Variants in SPTB observed in about 807,000 individuals in gnomAD.
SPTB encodes the protein spectrin beta, erythrocytic.
Under a neutral mutation model 256.2 loss-of-function variants are expected in SPTB, and 45 were observed. The ratio of observed to expected loss-of-function variants is 0.18; its 90% CI spans 0.14 to 0.23. The LOEUF is 0.23. SPTB is among the 10% of genes least tolerant of loss of function. SPTB has a pLI of 1.00. For synonymous variants in SPTB, 1,231 were observed against 1,243.1 expected (o/e 0.99, Z 0.21); for missense variants, 2,715 against 3,040.4 (o/e 0.89, Z 2.52).
intron 1 of SPTB, among the ~76,000 whole-genome samples, chr14:64,829,878 C>T (rs545667447): frequency 8.5e-5 from 13 of 152,300 alleles, no homozygotes; most frequent in Middle Eastern, 3.4e-3. Context: ...CTATAGGTAA[C>T]CTGCCAGCCT....
chr14:64,775,080 C>G lies in SPTB; in HGVS notation c.4842+45G>C. On this transcript the variant is annotated intron_variant, in intron 23 of 35. Transcript: ENST00000644917. The surrounding 1 kb of genome is among the most constrained non-coding windows in gnomAD (Gnocchi z 5.0). ...TACCGACAGCCAACCTCAACTCTTC[C>G]TCTCTGCCTGGGCACCCTGGCTGGT... 6.2e-7 allele frequency: 1 copy of G among 1,613,510 alleles called. No homozygotes were observed. Among genetic ancestry groups the G allele is most frequent in the Non-Finnish European group, 8.5e-7 (1 of 1,179,968 alleles).
chr14:64,813,331 T>C (rs1015464751), intron 2 of SPTB, among the ~76,000 whole-genome samples: 8 of 152,250 alleles, frequency 5.3e-5, no homozygotes, highest in Admixed American at 5.2e-4. Context: ...CAGGTAAAAC[T>C]AGGAGGTCAG....
intron 1 of SPTB, among the ~76,000 whole-genome samples, chr14:64,859,405 G>A (rs372738581): frequency 2.0e-5 from 3 of 152,004 alleles, no homozygotes; most frequent in African/African-American, 4.8e-5. Context: ...GTTAAACAAC[G>A]TAAGCTGTTA....
intron 9 of SPTB, among the ~76,000 whole-genome samples, chr14:64,798,747 C>T (rs1047824582): frequency 3.3e-5 from 5 of 152,230 alleles, no homozygotes; most frequent in African/African-American, 4.8e-5. Flanking sequence ...TACTGTCAGA[C>T]TAGAAACCAG....
At chr14:64,843,018 T>G (rs2083631289) in intron 1 of SPTB, among the ~76,000 whole-genome samples, 1 of 151,870 alleles carries the variant, frequency 6.6e-6, no homozygotes, top group African/African-American at 2.4e-5. Context: ...TGAGCTGTGA[T>G]CACACCACTG....
Position 64,791,771 on chromosome 14 carries a change from C to T in SPTB, c.2752G>A (p.Gly918Ser), listed in dbSNP as rs2082679062. Reference sequence around the variant, plus strand: ...TTCACCTCCCTGCTGCGTGGGTGGCCACTCTCTACCAAGCTGTTGGCAGCG... The same window carrying T: ...TTCACCTCCCTGCTGCGTGGGTGGCTACTCTCTACCAAGCTGTTGGCAGCG... Reference protein sequence around the residue: ...NLAANSLVESGHPRSREVKQY... With the variant: ...NLAANSLVESSHPRSREVKQY... The change falls in exon 15 of 36, where the codon GGC becomes AGC. Residue 918 changes from glycine to serine, a missense_variant. Transcript: ENST00000644917. The T allele has an allele frequency of 5.6e-6, 9 of 1,614,106 alleles. No homozygotes were observed. The highest frequency in any genetic ancestry group is 5.1e-6 in the Non-Finnish European group (6 of 1,180,004).
In SPTB at chr14:64,786,536, C is replaced by T; in HGVS notation, c.3429G>A (p.Leu1143=). ...CATTCCAGCCAGTATCCAGGCCCTC[C>T]AGCCGCTGGCCCAGAAGCAGATACT... is the stretch of plus-strand genomic sequence containing the variant. The part of the protein sequence containing the change: ...DPEYLLLGQR[L]EGLDTGWNAL... Residue 1143 remains leucine (L), a synonymous_variant, in exon 16 of 36, where the codon CTG becomes CTA. Transcript: ENST00000644917. The surrounding 1 kb of genome is among the most constrained non-coding windows in gnomAD (Gnocchi z 5.6). 1 of 1,614,230 alleles carries T rather than the reference C, an allele frequency of 6.2e-7. No homozygotes were observed. Among genetic ancestry groups the T allele is most frequent in the African/African-American group, 1.3e-5 (1 of 75,060 alleles).
rs2082212509 is a variant in SPTB, at chr14:64,767,799, T to C, written c.6083A>G (p.Gln2028Arg). The C allele has an allele frequency of 6.2e-7, 1 of 1,614,056 alleles. No homozygotes were observed. The change falls in exon 30 of 36, where the codon CAG becomes CGG. Residue 2028 changes from glutamine to arginine, a missense_variant. Physicochemically the swap from Gln to Arg is conservative, Grantham distance 43. Coordinates refer to ENST00000644917, the MANE Select transcript of SPTB (RefSeq NM_001355436.2). ...ASVAEAWLIA[Q>R]EPYLASGDFG... is the part of the protein sequence containing the mutation. ...GTCCCCGCTGGCCAGGTAGGGCTCC[T>C]GGGCAATCAGCCACGCCTCAGCCAC...
At position 64,827,926 on chromosome 14, in the gene SPTB, T is replaced by C. The variant is rs951883143; in HGVS notation, c.-51-4781A>G. ...GTGGCCCAGATAAGCATGCCACCTA[T>C]GGGTGACCTTTCCAGTCGATGGACA... On this transcript the variant is annotated intron_variant, in intron 1 of 35. Transcript: ENST00000644917. This position sits in a 1 kb window ranked among gnomAD's most constrained non-coding sequence, Gnocchi z 4.6. 3.9e-5 allele frequency among the ~76,000 whole-genome samples: 6 copies of C among 152,190 alleles called. No homozygotes were observed. Among genetic ancestry groups the C allele is most frequent in the African/African-American group, 1.4e-4 (6 of 41,436 alleles).
Position 64,785,768 on chromosome 14 carries a change from C to G in SPTB, c.3745G>C (p.Val1249Leu). Residue 1249 changes from valine to leucine, a missense_variant, in exon 17 of 36, where the codon GTG becomes CTG. Physicochemically the swap from Val to Leu is conservative, Grantham distance 32. Coordinates refer to ENST00000644917, the MANE Select transcript of SPTB (RefSeq NM_001355436.2). The surrounding 1 kb of genome is among the most constrained non-coding windows in gnomAD (Gnocchi z 4.4). ...NLYSDKIKEK[V>L]QLIEDRHRKN... ...GAGTACCTGTCCTCAATCAGCTGCA[C>G]CTTCTCCTTGATCTTGTCTGAGTAT... The G allele has an allele frequency of 6.2e-7, 1 of 1,614,112 alleles. No homozygotes were observed. Among genetic ancestry groups the G allele is most frequent in the South Asian group, 1.1e-5 (1 of 91,076 alleles).
In SPTB at chr14:64,764,174, G is replaced by A. The variant is rs1445752608; in HGVS notation, c.6345+2552C>T. On this transcript the variant is annotated intron_variant, in intron 32 of 35. Transcript: ENST00000644917. The surrounding 1 kb of genome is among the most constrained non-coding windows in gnomAD (Gnocchi z 4.2). ...CATTGGCCATCCCTTCCTGGGAGAG[G>A]CCTGCGGTTCTGTGAAGGGGTAGTT... is the stretch of plus-strand genomic sequence containing the variant. Among the ~76,000 whole-genome samples the A allele has an allele frequency of 1.3e-5, 2 of 152,216 alleles. No homozygotes were observed. The highest frequency in any genetic ancestry group is 1.3e-4 in the Admixed American group (2 of 15,288).
chr14:64,853,430 AG>A lies in SPTB; in HGVS notation c.-52+26361del, dbSNP rs2083817699. ...GGAGATAACCATATCAGGAAGCCTC[AG>A]GGGAGGAAATTTCCAGAAGCAAGGA... On this transcript the variant is annotated intron_variant, in intron 1 of 35. Transcript: ENST00000644917. The surrounding 1 kb of genome is among the most constrained non-coding windows in gnomAD (Gnocchi z 4.3). Among the ~76,000 whole-genome samples the A allele has an allele frequency of 6.6e-6, 1 of 152,226 alleles. No individual in the cohort carries two copies. Among genetic ancestry groups the A allele is most frequent in the Admixed American group, 6.5e-5 (1 of 15,278 alleles).
At chr14:64,752,933 A>G (rs1264336722) in intron 33 of SPTB, among the ~76,000 whole-genome samples, 1 of 151,908 alleles carries the variant, frequency 6.6e-6, no homozygotes, top group Non-Finnish European at 1.5e-5. Flanking sequence ...ACCCAAGGAC[A>G]TGACTGTTTC....
At chr14:64,766,055 G>A (rs1195351620) in intron 32 of SPTB, among the ~76,000 whole-genome samples, 1 of 139,702 alleles carries the variant, frequency 7.2e-6, no homozygotes, top group African/African-American at 3.1e-5. Context: ...GTGTGCGTGA[G>A]GTGTGTATGG....
At chr14:64,769,851 C>T in intron 27 of SPTB, 123 bp from the exon 28 acceptor site, 1 of 1,370,964 alleles carries the variant, frequency 7.3e-7, no homozygotes, top group Non-Finnish European at 1.0e-6. Context: ...CCTCCTCTCT[C>T]TCTGGCCAGC....
In SPTB at chr14:64,826,239, G is replaced by T. The variant is rs1242863085; in HGVS notation, c.-51-3094C>A. Among the ~76,000 whole-genome samples the T allele has an allele frequency of 6.6e-6, 1 of 152,186 alleles. No homozygotes were observed. Among genetic ancestry groups the T allele is most frequent in the Non-Finnish European group, 1.5e-5 (1 of 68,018 alleles). On this transcript the variant is annotated intron_variant, in intron 1 of 35. Coordinates refer to ENST00000644917, the MANE Select transcript of SPTB (RefSeq NM_001355436.2). This position sits in a 1 kb window ranked among gnomAD's most constrained non-coding sequence, Gnocchi z 4.4. ...TAAGAGAACAGGAAAGCTACAGATAGTTAACAAAAAGCAAACACGAAGATA... is the reference window on the plus strand; with the variant it reads ...TAAGAGAACAGGAAAGCTACAGATATTTAACAAAAAGCAAACACGAAGATA...
chr14:64,843,146 C>T (rs1298032516), intron 1 of SPTB, among the ~76,000 whole-genome samples: 1 of 152,208 alleles, frequency 6.6e-6, no homozygotes, highest in African/African-American at 2.4e-5. Flanking sequence ...TACATGGGTA[C>T]TGGCCATCTT....
At position 64,797,764 on chromosome 14, in the gene SPTB, G is replaced by C; in HGVS notation, c.1147C>G (p.Pro383Ala). ...MRANNQKVYT[P>A]HDGKLVSDIN... The stretch of plus-strand genomic sequence containing the variant: ...TCAGACACTAGTTTCCCATCGTGGG[G>C]TGTGTACACTTTCTGATTGTTGGCT... Residue 383 changes from proline to alanine, a missense_variant, in exon 10 of 36, where the codon CCC becomes GCC. This residue lies in a region of SPTB where 416 missense variants were observed against 571.1 expected (regional missense o/e 0.73). Transcript: ENST00000644917. The C allele has an allele frequency of 6.2e-7, 1 of 1,613,970 alleles. No individual in the cohort carries two copies. Among genetic ancestry groups the C allele is most frequent in the Non-Finnish European group, 8.5e-7 (1 of 1,179,860 alleles).
At chr14:64,752,870 A>G (rs1337113121) in intron 33 of SPTB, among the ~76,000 whole-genome samples, 1 of 151,984 alleles carries the variant, frequency 6.6e-6, no homozygotes, top group African/African-American at 2.4e-5. Flanking sequence ...GACTGCTGCT[A>G]GAAAGAGGAG....
Sources: allele counts gnomAD v4.1 joint callset (sites outside exome capture counted in the v4.1 genomes callset), GRCh38; gene constraint gnomAD v4.1.1; regional missense constraint gnomAD v4.1.1; non-coding constraint Gnocchi (gnomAD v3.1); transcripts MANE v1.5; gene names NCBI Gene and HGNC (gene_info 2026-07-23, HGNC 2026-07-21).